The following LRTM1 variants were observed in gnomAD, a reference collection of about 807,000 sequenced individuals.
LRTM1 encodes leucine-rich repeat and transmembrane domain-containing protein 1.
LRTM1 carries 38 observed loss-of-function variants against 32.4 expected under a neutral mutation model. The observed-to-expected ratio is 1.17, with a 90% confidence interval of 0.91 to 1.54. The LOEUF is 1.54. Among genes scored for constraint, LRTM1 ranks in the 40% most tolerant of loss-of-function variants. The probability of loss-of-function intolerance (pLI) is 0.00; values close to 1 mark genes in which losing one functional copy is unlikely to be tolerated. For synonymous variants in LRTM1, 186 were observed against 169.9 expected, an observed-to-expected ratio of 1.09 and a Z score of -0.74; for missense variants, 466 against 415.4, an observed-to-expected ratio of 1.12 and a Z score of -1.06.
In LRTM1 at chr3:54,925,032, T is replaced by G. The variant is rs1376814054; in HGVS notation, c.191A>C (p.His64Pro). The G allele has an allele frequency of 6.2e-7, 1 of 1,613,180 alleles. No homozygotes were observed. Among genetic ancestry groups the G allele is most frequent in the Non-Finnish European group, 8.5e-7 (1 of 1,179,910 alleles). Reference protein sequence around the residue: ...TLHLQDNQIHHLPAFAFRSVP... With the variant: ...TLHLQDNQIHPLPAFAFRSVP... ...TGACCTAAATGCAAAAGCAGGAAGATGGTGTATCTGATTATCTTGTAAATG... is the reference window on the plus strand; with the variant it reads ...TGACCTAAATGCAAAAGCAGGAAGAGGGTGTATCTGATTATCTTGTAAATG... Residue 64 changes from histidine to proline, a missense_variant, in exon 2 of 3, where the codon CAT becomes CCT. Transcript: ENST00000273286.
chr3:54,956,568 C>A (rs760068970), intron 1 of LRTM1, among the ~76,000 whole-genome samples: 1 of 152,144 alleles, frequency 6.6e-6, no homozygotes, highest in East Asian at 1.9e-4. Flanking sequence ...CTTTCTCCCC[C>A]ACTCCCTCTT....
intron 1 of LRTM1, among the ~76,000 whole-genome samples, chr3:54,926,200 A>T (rs1448824345): frequency 1.3e-5 from 2 of 152,206 alleles, no homozygotes; most frequent in African/African-American, 4.8e-5. Flanking sequence ...TCAAATAAAC[A>T]TATAGCATGC....
intron 1 of LRTM1, among the ~76,000 whole-genome samples, chr3:54,943,740 G>A (rs1701537834): frequency 6.6e-6 from 1 of 152,108 alleles, no homozygotes; most frequent in African/African-American, 2.4e-5. Flanking sequence ...GCTTTGGTGA[G>A]ATCTCCCTCT....
rs1700732625 is a variant in LRTM1 at position 54,918,538 on chromosome 3, T to C, written c.959A>G (p.Tyr320Cys). The C allele has an allele frequency of 5.0e-6, 8 of 1,613,928 alleles. No homozygotes were observed. The highest frequency in any genetic ancestry group is 3.3e-5 in the Admixed American group (2 of 59,990). ...GCTYAAITAQ[Y>C]HGGPLAQTND... is the part of the protein sequence containing the mutation. ...GGTTTGAGCCAAGGGTCCCCCATGGTACTGGGCTGTGATTGCCGCATAGGT... is the reference window on the plus strand; with the variant it reads ...GGTTTGAGCCAAGGGTCCCCCATGGCACTGGGCTGTGATTGCCGCATAGGT... Residue 320 changes from tyrosine (Y) to cysteine (C), a missense_variant, in exon 3 of 3, where the codon TAC (tyrosine) becomes TGC (cysteine). Physicochemically the swap from Tyr to Cys is radical, Grantham distance 194. Transcript: ENST00000273286.
At chr3:54,956,584 G>C (rs1183506614) in intron 1 of LRTM1, among the ~76,000 whole-genome samples, 1 of 151,998 alleles carries the variant, frequency 6.6e-6, no homozygotes, top group Non-Finnish European at 1.5e-5. Flanking sequence ...CTCTTCAACT[G>C]GTCTTAGGCT....
Position 54,948,446 on chromosome 3 carries a change from T to C in LRTM1, c.-222+18482A>G, listed in dbSNP as rs149257350. On this transcript the variant is annotated intron_variant, in intron 1 of 2. Coordinates refer to the LRTM1 transcript ENST00000493075. ...TTTGCCTTCTTCATTGTCCAGAACT[T>C]GGTTACTAAGAGCAGTTCAATGGCC... 3.2e-3 allele frequency among the ~76,000 whole-genome samples: 485 copies of C among 152,308 alleles called. 3 individuals are homozygous for C. Among genetic ancestry groups the C allele is most frequent in the African/African-American group, 0.011 (462 of 41,574 alleles).
intron 1 of LRTM1, among the ~76,000 whole-genome samples, chr3:54,966,135 T>TG (rs1702144251): frequency 6.7e-6 from 1 of 149,844 alleles, no homozygotes; most frequent in Non-Finnish European, 1.5e-5. Flanking sequence ...AGAACGGGGG[T>TG]GGGGGTCTCA....
intron 1 of LRTM1, among the ~76,000 whole-genome samples, chr3:54,965,308 G>A (rs1575411727): frequency 2.0e-5 from 3 of 152,224 alleles, no homozygotes; most frequent in African/African-American, 7.2e-5. Flanking sequence ...CTGAACAACT[G>A]GGTCCCCGTT....
chr3:54,937,383 G>T (rs1575391325), intron 1 of LRTM1, among the ~76,000 whole-genome samples: 1 of 152,292 alleles, frequency 6.6e-6, no homozygotes, highest in East Asian at 1.9e-4. Context: ...ATATGAGGGG[G>T]ATTGGTTCCA....
At chr3:54,962,658 G>C (rs908155201) in intron 1 of LRTM1, among the ~76,000 whole-genome samples, 3 of 152,128 alleles carry the variant, frequency 2.0e-5, no homozygotes, top group African/African-American at 4.8e-5. Context: ...TCTTAAAACG[G>C]GTTTGCAATC....
At chr3:54,921,748 T>C (rs970213549) in intron 2 of LRTM1, among the ~76,000 whole-genome samples, 7 of 152,198 alleles carry the variant, frequency 4.6e-5, no homozygotes, top group African/African-American at 1.7e-4. Context: ...AGGGGTCTTA[T>C]GTCCCTAAAT....
intron 1 of LRTM1, among the ~76,000 whole-genome samples, chr3:54,947,165 A>G (rs1701637128): frequency 6.6e-6 from 1 of 152,190 alleles, no homozygotes; most frequent in Admixed American, 6.5e-5. Context: ...TCATAATCTT[A>G]AAGACTGAGC....
In LRTM1 at chr3:54,918,527, G is replaced by T; in HGVS notation, c.970C>A (p.Pro324Thr). Residue 324 changes from proline to threonine, a missense_variant, in exon 3 of 3, where the codon CCC becomes ACC. Coordinates refer to ENST00000273286, the MANE Select transcript of LRTM1 (RefSeq NM_020678.4). ...CCAGGATCATTGGTTTGAGCCAAGG[G>T]TCCCCCATGGTACTGGGCTGTGATT... ...AAITAQYHGGPLAQTNDPGKV... is the reference protein window; with the variant it reads ...AAITAQYHGGTLAQTNDPGKV... The T allele has an allele frequency of 4.3e-6, 7 of 1,613,782 alleles. No individual in the cohort carries two copies. Among genetic ancestry groups the T allele is most frequent in the Non-Finnish European group, 5.1e-6 (6 of 1,179,946 alleles).
intron 1 of LRTM1, among the ~76,000 whole-genome samples, chr3:54,934,469 G>A (rs754946714): frequency 4.3e-4 from 66 of 152,218 alleles, no homozygotes; most frequent in African/African-American, 1.3e-3. Context: ...GGATTATTCC[G>A]TTTACTGCAT....
intron 1 of LRTM1, among the ~76,000 whole-genome samples, chr3:54,933,263 A>G (rs1376959924): frequency 6.6e-6 from 1 of 152,232 alleles, no homozygotes; most frequent in African/African-American, 2.4e-5. Context: ...AATAATTTGT[A>G]TTAAAATTAT....
intron 1 of LRTM1, among the ~76,000 whole-genome samples, chr3:54,945,434 C>T (rs183233867): frequency 4.7e-4 from 71 of 152,318 alleles, no homozygotes; most frequent in African/African-American, 1.7e-3. Context: ...GTATCCAGCC[C>T]AGGCATGTAT....
At chr3:54,931,394 G>A (rs1023924638), upstream of LRTM1, among the ~76,000 whole-genome samples, 1 of 152,210 alleles carries the variant, frequency 6.6e-6, no homozygotes, top group Admixed American at 6.5e-5. Context: ...TCTGACCTCA[G>A]CCAAGAGAAC....
intron 2 of LRTM1, among the ~76,000 whole-genome samples, chr3:54,921,286 C>T (rs1415994870): frequency 6.6e-6 from 1 of 152,164 alleles, no homozygotes; most frequent in African/African-American, 2.4e-5. Context: ...TGTGCCTCTG[C>T]TTGCTCATCT....
At chr3:54,957,363 G>T (rs2107035463) in intron 1 of LRTM1, among the ~76,000 whole-genome samples, 1 of 151,954 alleles carries the variant, frequency 6.6e-6, no homozygotes, top group African/African-American at 2.4e-5. Context: ...TGCTCAGGCT[G>T]GTCTTGAACT....
Sources: gnomAD v4.1 joint callset for allele counts (sites outside exome capture counted in the v4.1 genomes callset) on GRCh38, gnomAD v4.1.1 for gene constraint, MANE v1.5 for transcripts, NCBI Gene and HGNC (gene_info 2026-07-23, HGNC 2026-07-21) for gene names.